The following KCNIP4 variants were observed in gnomAD, a reference collection of about 807,000 sequenced individuals.
KCNIP4 encodes the protein Kv channel-interacting protein 4.
KCNIP4 carries 12 observed loss-of-function variants against 34.0 expected under a neutral mutation model. The observed-to-expected ratio is 0.35, with a 90% CI of 0.23 to 0.57. KCNIP4 has a LOEUF of 0.57. Ranked by LOEUF, KCNIP4 falls within the 20% of genes least tolerant of loss-of-function variation. The pLI is 0.83. For missense variants in KCNIP4, 238 were observed against 311.7 expected (o/e 0.76, Z 1.78); for synonymous variants, 124 against 102.2 (o/e 1.21, Z -1.29).
intron 1 of KCNIP4, among the ~76,000 whole-genome samples, chr4:21,208,168 A>T (rs1023169046): frequency 2.0e-5 from 3 of 152,166 alleles, no homozygotes; most frequent in Admixed American, 1.3e-4. Flanking sequence ...TCATTGAAAT[A>T]GATCAAGTTT....
intron 3 of KCNIP4, among the ~76,000 whole-genome samples, chr4:20,846,060 C>T (rs1720330571): frequency 6.6e-6 from 1 of 152,110 alleles, no homozygotes; most frequent in Non-Finnish European, 1.5e-5. Flanking sequence ...ATGTAAACAT[C>T]TTTCTATTTT....
At chr4:21,565,546 T>C (rs1490065793) in intron 1 of KCNIP4, among the ~76,000 whole-genome samples, 3 of 152,122 alleles carry the variant, frequency 2.0e-5, no homozygotes, top group East Asian at 1.9e-4. Flanking sequence ...GGCATATAGG[T>C]ACATTGAAAT....
chr4:20,807,203 A>C (rs1715205880), intron 3 of KCNIP4, among the ~76,000 whole-genome samples: 1 of 152,174 alleles, frequency 6.6e-6, no homozygotes, highest in Admixed American at 6.5e-5. Context: ...TATGTCATTT[A>C]CACTTATACT....
intron 2 of KCNIP4, among the ~76,000 whole-genome samples, chr4:20,861,603 TCTTA>T (rs892845802): frequency 1.6e-4 from 25 of 152,334 alleles, no homozygotes; most frequent in Admixed American, 7.2e-4. Context: ...TAGTACTTTA[TCTTA>T]CTTAATATTT....
At chr4:21,433,544 C>T (rs969566069) in intron 1 of KCNIP4, among the ~76,000 whole-genome samples, 1 of 152,204 alleles carries the variant, frequency 6.6e-6, no homozygotes, top group Admixed American at 6.5e-5. Context: ...ATAGCTTCAG[C>T]CAATTTAGAT....
chr4:21,390,962 C>A (rs914609948), intron 1 of KCNIP4, among the ~76,000 whole-genome samples: 2 of 152,134 alleles, frequency 1.3e-5, no homozygotes, highest in African/African-American at 4.8e-5. Flanking sequence ...TCTCCATATA[C>A]TTGCCAACAT....
intron 1 of KCNIP4, among the ~76,000 whole-genome samples, chr4:21,274,909 C>A (rs1488282065): frequency 6.6e-6 from 1 of 151,942 alleles, no homozygotes; most frequent in East Asian, 1.9e-4. Flanking sequence ...ACAAACAATT[C>A]TTTTAGGAAT....
intron 1 of KCNIP4, among the ~76,000 whole-genome samples, chr4:21,897,863 C>T (rs1247923706): frequency 6.6e-6 from 1 of 152,154 alleles, no homozygotes; most frequent in African/African-American, 2.4e-5. Context: ...GCACTGAATA[C>T]AGGAGGGAAG....
chr4:20,797,166 T>G (rs889129597), intron 3 of KCNIP4, among the ~76,000 whole-genome samples: 1 of 152,202 alleles, frequency 6.6e-6, no homozygotes, highest in African/African-American at 2.4e-5. Context: ...TTTGACTCAT[T>G]TAGTGGAGGG....
intron 1 of KCNIP4, among the ~76,000 whole-genome samples, chr4:21,339,086 A>G (rs1578098210): frequency 1.3e-5 from 2 of 152,152 alleles, no homozygotes; most frequent in East Asian, 3.9e-4. Context: ...CAGGATCCAC[A>G]ATGGGATTGC....
chr4:21,632,906 A>G (rs934716842), intron 1 of KCNIP4, among the ~76,000 whole-genome samples: 2 of 152,156 alleles, frequency 1.3e-5, no homozygotes, highest in African/African-American at 4.8e-5. Flanking sequence ...GGATGCCCCA[A>G]AAGAGTTTGC....
chr4:21,235,516 T>C (rs986494409), intron 1 of KCNIP4, among the ~76,000 whole-genome samples: 1 of 152,214 alleles, frequency 6.6e-6, no homozygotes, highest in Non-Finnish European at 1.5e-5. Context: ...GCTTCTTCAT[T>C]GTGTTCAAGT....
At chr4:21,208,461 C>T (rs1389244217) in intron 1 of KCNIP4, among the ~76,000 whole-genome samples, 1 of 152,136 alleles carries the variant, frequency 6.6e-6, no homozygotes, top group Non-Finnish European at 1.5e-5. Flanking sequence ...TAACCTGGTC[C>T]TCTAAGTTTG....
intron 1 of KCNIP4, among the ~76,000 whole-genome samples, chr4:21,217,056 T>C (rs1757637104): frequency 6.6e-6 from 1 of 152,194 alleles, no homozygotes; most frequent in Non-Finnish European, 1.5e-5. Flanking sequence ...AGCTGCATTA[T>C]CTTATCTACT....
At chr4:21,529,183 C>T (rs1736445105) in intron 1 of KCNIP4, among the ~76,000 whole-genome samples, 1 of 152,072 alleles carries the variant, frequency 6.6e-6, no homozygotes, top group Non-Finnish European at 1.5e-5. Flanking sequence ...ATGGATTTGG[C>T]CCATAGACAT....
chr4:21,148,252 T>G (rs1752525819), intron 1 of KCNIP4, among the ~76,000 whole-genome samples: 1 of 152,218 alleles, frequency 6.6e-6, no homozygotes. Context: ...CATTGTATAT[T>G]ATAAAGAACA....
At chr4:21,810,378 G>C (rs1399106537) in intron 1 of KCNIP4, among the ~76,000 whole-genome samples, 4 of 151,772 alleles carry the variant, frequency 2.6e-5, no homozygotes, top group Non-Finnish European at 5.9e-5. Context: ...CCTTCTTTTT[G>C]CCCAAACCTC....
At chr4:21,506,855 G>T (rs1733884889) in intron 1 of KCNIP4, among the ~76,000 whole-genome samples, 1 of 151,882 alleles carries the variant, frequency 6.6e-6, no homozygotes, top group Non-Finnish European at 1.5e-5. Flanking sequence ...GCAGTGGCAT[G>T]ATCACGGTTC....
At chr4:20,730,491 G>C (rs549120193) in intron 8 of KCNIP4, among the ~76,000 whole-genome samples, 218 of 152,246 alleles carry the variant, frequency 1.4e-3, no homozygotes, top group Admixed American at 2.6e-3. Flanking sequence ...GTAGATCACA[G>C]GCCAAATCAC....
Sources: allele counts gnomAD v4.1 joint callset (sites outside exome capture counted in the v4.1 genomes callset), GRCh38; gene constraint gnomAD v4.1.1; transcripts MANE v1.5; gene names NCBI Gene and HGNC (gene_info 2026-07-23, HGNC 2026-07-21).